CNDP2: variants seen among roughly 807,000 people sequenced by gnomAD.
CNDP2 encodes carnosine dipeptidase 2, also known as cytosolic non-specific dipeptidase.
Under a neutral mutation model 55.0 loss-of-function variants are expected in CNDP2, and 38 were observed. That is an observed-to-expected ratio of 0.69 (90% CI 0.53 to 0.90). The LOEUF (loss-of-function observed/expected upper bound fraction) is 0.90. CNDP2 is among the 40% of genes least tolerant of loss of function. The probability of loss-of-function intolerance (pLI) is 0.00; values close to 1 mark genes in which losing one functional copy is unlikely to be tolerated. For missense variants in CNDP2, 607 were observed against 621.7 expected (o/e 0.98, Z 0.25); for synonymous variants, 241 against 260.2 (o/e 0.93, Z 0.71).
chr18:74,515,229 T>C (rs1362347812), intron 8 of CNDP2, among the ~76,000 whole-genome samples: 1 of 152,016 alleles, frequency 6.6e-6, no homozygotes, highest in African/African-American at 2.4e-5. Context: ...TTGGGAAAGA[T>C]CATGGGTCAG....
At position 74,511,009 on chromosome 18, in the gene CNDP2, T is replaced by C. The variant is rs1367353570; in HGVS notation, c.653T>C (p.Ile218Thr). Residue 218 changes from isoleucine (I) to threonine (T), a missense_variant, in exon 6 of 12, where the codon ATC (isoleucine) becomes ACC (threonine). Transcript: ENST00000324262. Reference sequence around the variant, plus strand: ...CTCAGGGGCATTTGCTACTTTTTCATCGAGGTACAGTGCCAAGCTGTACGG... The same window carrying C: ...CTCAGGGGCATTTGCTACTTTTTCACCGAGGTACAGTGCCAAGCTGTACGG... ...YGLRGICYFF[I>T]EVECSNKDLH... The C allele has an allele frequency of 6.2e-7, 1 of 1,613,808 alleles. No individual in the cohort carries two copies.
In CNDP2 at chr18:74,505,743, TGATAAGGACA is replaced by T; in HGVS notation, c.205-97_205-88del. 3 of 1,228,684 alleles carry T rather than the reference TGATAAGGACA, an allele frequency of 2.4e-6. No homozygotes were observed. In the Admixed American group the frequency reaches 7.5e-5, roughly 31 times the overall value. The allele number at this position is 1,228,684 out of a possible 1,614,324, so 76.1% of individuals were successfully genotyped here. A position where few individuals can be genotyped will look rare whatever the true frequency, so the allele number is the denominator to read the frequency against. The stretch of plus-strand genomic sequence containing the variant: ...CTTAAACTCTACAATAGAGGTTGAT[TGATAAGGACA>T]GATAAGGAAGCTCAAGGTCTTTTAA... On this transcript the variant is annotated intron_variant, in intron 3 of 11. Coordinates refer to ENST00000324262, the MANE Select transcript of CNDP2 (RefSeq NM_018235.3).
At chr18:74,507,466 G>A (rs3794956) in intron 4 of CNDP2, 66,104 of 152,514 alleles carry the variant, frequency 0.43, 14,655 homozygotes, top group East Asian at 0.68. Context: ...TGCTCCCAGA[G>A]TGACCTCAAC....
rs1979890245 is a variant in CNDP2 at position 74,518,979 on chromosome 18, A to ATTCCCG, written c.1241_1242insTTCCCG (p.Glu414delinsAspSerArg). ...GGTGTTGAGCCAGACTTGACCAGGGAAGGCGGCAGTATTCCCGTGACCTTG... is the reference window on the plus strand; with the variant it reads ...GGTGTTGAGCCAGACTTGACCAGGGATTCCCGAGGCGGCAGTATTCCCGTGACCTTG... On this transcript the variant is annotated protein_altering_variant, in exon 11 of 12. Coordinates refer to ENST00000324262, the MANE Select transcript of CNDP2 (RefSeq NM_018235.3). 1 of 1,614,080 alleles carries ATTCCCG rather than the reference A, an allele frequency of 6.2e-7. No homozygotes were observed. Among genetic ancestry groups the ATTCCCG allele is most frequent in the Non-Finnish European group, 8.5e-7 (1 of 1,180,020 alleles).
intron 3 of CNDP2, among the ~76,000 whole-genome samples, chr18:74,502,222 A>G (rs544535657): frequency 6.6e-6 from 1 of 152,312 alleles, no homozygotes; most frequent in East Asian, 1.9e-4. Flanking sequence ...TTTTCAGTGC[A>G]GGATTCTGAC....
rs936907118 is a variant in CNDP2 at position 74,523,352 on chromosome 18, C to T, written c.*3284C>T. 2 of 152,210 alleles carry T rather than the reference C, an allele frequency of 1.3e-5. No individual in the cohort carries two copies. Among genetic ancestry groups the T allele is most frequent in the Admixed American group, 6.5e-5 (1 of 15,282 alleles). The allele number at this position is 152,210 out of a possible 1,614,324, so 9.4% of individuals were successfully genotyped here. On this transcript the variant is annotated 3_prime_UTR_variant, in exon 12 of 12. Transcript: ENST00000324262. ...GAAGACAGAAATGACCCTGTGACCC[C>T]TTTGCAAAGTATGAAGAACGGTTCC...
intron 10 of CNDP2, 42 bp downstream of exon 10, chr18:74,518,682 C>T (rs376127350): frequency 1.3e-4 from 216 of 1,612,234 alleles, no homozygotes; most frequent in Non-Finnish European, 1.8e-4. Flanking sequence ...CAGGGCCCTT[C>T]GCACGTCTGA....
intron 9 of CNDP2, 163 bp downstream of exon 9, chr18:74,516,555 T>A: frequency 1.4e-6 from 1 of 711,894 alleles, no homozygotes; most frequent in Non-Finnish European, 2.2e-6. Flanking sequence ...CAGAAGCTAA[T>A]CAAAGATAAT....
chr18:74,511,242 G>C, intron 6 of CNDP2: 1 of 548,104 alleles, frequency 1.8e-6, no homozygotes, highest in Non-Finnish European at 3.2e-6. Context: ...AGGTAGGACA[G>C]TGTGATTTGT....
At chr18:74,505,157 A>C (rs1978938769) in intron 3 of CNDP2, 1 of 152,350 alleles carries the variant, frequency 6.6e-6, no homozygotes, top group Admixed American at 6.5e-5. Flanking sequence ...ATTGTAATCA[A>C]TGTACAGAAT....
At chr18:74,506,157 A>G in intron 4 of CNDP2, 146 bp downstream of exon 4, 1 of 714,740 alleles carries the variant, frequency 1.4e-6, no homozygotes, top group Non-Finnish European at 1.9e-6. Flanking sequence ...TTTTTGAGAC[A>G]GAGTCTCACT....
At chr18:74,512,385 G>A (rs1180025901) in intron 6 of CNDP2, 63 bp from the exon 7 acceptor site, 1 of 1,426,990 alleles carries the variant, frequency 7.0e-7, no homozygotes, top group East Asian at 2.3e-5. Context: ...TGAATTTACT[G>A]TCACATGATA....
chr18:74,510,540 G>A (rs1979286248), intron 5 of CNDP2, among the ~76,000 whole-genome samples: 1 of 152,172 alleles, frequency 6.6e-6, no homozygotes, highest in Non-Finnish European at 1.5e-5. Flanking sequence ...GGCCCTTATT[G>A]CAGAGGGAGC....
chr18:74,513,612 G>T lies in CNDP2; in HGVS notation c.796G>T (p.Val266Leu). The change falls in exon 8 of 12, where the codon GTG becomes TTG. Residue 266 changes from valine to leucine, a missense_variant. Physicochemically the swap from Val to Leu is conservative, Grantham distance 32 (BLOSUM62 1). Transcript: ENST00000324262. The part of the protein sequence containing the change: ...NILIPGINEA[V>L]AAVTEEEHKL... ...CCTGATCCCCGGCATTAACGAGGCC[G>T]TGGCCGCCGTCACGGAAGAGGAGCA... 1.2e-6 allele frequency: 2 copies of T among 1,613,978 alleles called. No homozygotes were observed. Among genetic ancestry groups the T allele is most frequent in the South Asian group, 1.1e-5 (1 of 91,090 alleles).
intron 7 of CNDP2, among the ~76,000 whole-genome samples, chr18:74,512,912 C>T (rs1018530182): frequency 1.3e-5 from 2 of 152,190 alleles, no homozygotes; most frequent in Admixed American, 1.3e-4. Flanking sequence ...TAACTGGCCC[C>T]ATCCAGGTCC....
chr18:74,519,250 G>A (rs1386039031), intron 11 of CNDP2, among the ~76,000 whole-genome samples, 154 bp downstream of exon 11: 5 of 152,212 alleles, frequency 3.3e-5, no homozygotes, highest in Non-Finnish European at 7.3e-5. Context: ...GGGAACTTCA[G>A]ATGGGAGGCA....
intron 4 of CNDP2, chr18:74,508,503 T>G (rs1599065059): frequency 4.5e-6 from 1 of 222,786 alleles, no homozygotes; most frequent in South Asian, 1.2e-4. Flanking sequence ...GGTAAATGGG[T>G]TTTAATGAAC....
rs112622731 is a variant in CNDP2 at position 74,505,923 on chromosome 18, C to T, written c.279C>T (p.Thr93=). The T allele has an allele frequency of 2.1e-5, 34 of 1,612,386 alleles. No individual in the cohort carries two copies. The highest frequency in any genetic ancestry group is 5.5e-5 in the South Asian group (5 of 90,826). Residue 93 remains threonine (T), a synonymous_variant, in exon 4 of 12, where the codon ACC becomes ACT. Transcript: ENST00000324262. ...GRLGSDPQKK[T]VCIYGHLDVQ... is the part of the protein sequence containing the mutation. ...TGGGCTCCGACCCACAGAAGAAGAC[C>T]GTGTGCATTTACGGGCACCTGGATG...
intron 6 of CNDP2, chr18:74,511,225 A>G: frequency 1.7e-6 from 1 of 589,174 alleles, no homozygotes; most frequent in Non-Finnish European, 3.0e-6. Context: ...ATCTCACAGC[A>G]GCATCAAGGT....
Sources: gnomAD v4.1 joint callset for allele counts (sites outside exome capture counted in the v4.1 genomes callset) on GRCh38, gnomAD v4.1.1 for gene constraint, MANE v1.5 for transcripts, NCBI Gene and HGNC (gene_info 2026-07-23, HGNC 2026-07-21) for gene names.